Variants in LRP1B observed in about 807,000 individuals in gnomAD.
LRP1B encodes low-density lipoprotein receptor-related protein 1B.
A neutral mutation model predicts 556.6 loss-of-function variants in LRP1B; 217 were observed. The observed-to-expected ratio is 0.39, with a 90% CI of 0.35 to 0.44. The LOEUF (loss-of-function observed/expected upper bound fraction) is 0.44. Ranked by LOEUF, LRP1B falls within the 20% of genes least tolerant of loss-of-function variation. The pLI is 1.00. For missense variants in LRP1B, 5,053 were observed against 5,620.8 expected, an observed-to-expected ratio of 0.90 and a Z score of 3.23; for synonymous variants, 2,047 against 1,865.8, an observed-to-expected ratio of 1.10 and a Z score of -2.50.
chr2:142,117,967 G>T lies in LRP1B; in HGVS notation c.82+12681C>A, dbSNP rs1335313228. Among the ~76,000 whole-genome samples the T allele has an allele frequency of 2.0e-5, 3 of 152,118 alleles. No individual in the cohort carries two copies. The East Asian group carries it at 5.8e-4, about 29-fold the overall frequency. On this transcript the variant is annotated intron_variant, in intron 1 of 90. Transcript: ENST00000389484. ...ATGTCTGAGTGCCATTGCTTGACAT[G>T]ATGAGCATAGAAATTTAAGCAGCCT...
intron 1 of LRP1B, among the ~76,000 whole-genome samples, chr2:142,125,286 C>A (rs866551196): frequency 3.3e-5 from 5 of 151,772 alleles, no homozygotes; most frequent in Admixed American, 3.3e-4. Context: ...TGCTGAATGG[C>A]AGAATCTCCT....
At chr2:140,731,874 A>G (rs2105500575) in intron 35 of LRP1B, among the ~76,000 whole-genome samples, 1 of 152,040 alleles carries the variant, frequency 6.6e-6, no homozygotes, top group Admixed American at 6.5e-5. Context: ...CTATCATTAT[A>G]GTATCATTTT....
At chr2:140,707,142 G>A (rs944997129) in intron 37 of LRP1B, among the ~76,000 whole-genome samples, 1 of 152,068 alleles carries the variant, frequency 6.6e-6, no homozygotes, top group African/African-American at 2.4e-5. Flanking sequence ...GCTCGAATTT[G>A]AGTTGCAATT....
intron 1 of LRP1B, among the ~76,000 whole-genome samples, chr2:142,051,146 C>T (rs1262705097): frequency 6.6e-6 from 1 of 151,906 alleles, no homozygotes; most frequent in Non-Finnish European, 1.5e-5. Context: ...GAGTGTGAGG[C>T]AGTAACTTCC....
At chr2:141,068,845 T>C (rs1019288940) in intron 7 of LRP1B, among the ~76,000 whole-genome samples, 2 of 152,062 alleles carry the variant, frequency 1.3e-5, no homozygotes, top group Non-Finnish European at 2.9e-5. Flanking sequence ...TTAGGGAATA[T>C]TTCATATTAA....
At chr2:140,526,038 A>C (rs369942522) in intron 48 of LRP1B, 45 bp from the exon 49 acceptor site, 3 of 1,587,552 alleles carry the variant, frequency 1.9e-6, no homozygotes, top group Non-Finnish European at 2.6e-6. Flanking sequence ...TCATTTTCAA[A>C]GATTATGAGC....
At chr2:141,128,515 A>G (rs141568675) in intron 7 of LRP1B, among the ~76,000 whole-genome samples, 1 of 152,302 alleles carries the variant, frequency 6.6e-6, no homozygotes, top group Non-Finnish European at 1.5e-5. Context: ...GTTCTCCCTT[A>G]CTGTTCTTCC....
chr2:141,212,024 C>G (rs1434148140), intron 6 of LRP1B, among the ~76,000 whole-genome samples: 3 of 151,930 alleles, frequency 2.0e-5, no homozygotes, highest in African/African-American at 4.8e-5. Context: ...AGATAAGAAG[C>G]TTTTAAGTAT....
intron 43 of LRP1B, among the ~76,000 whole-genome samples, chr2:140,557,981 T>C (rs1365712622): frequency 6.6e-6 from 1 of 152,194 alleles, no homozygotes; most frequent in Admixed American, 6.6e-5. Flanking sequence ...TATCACCTGA[T>C]GCATATTAGG....
At chr2:140,516,032 G>C (rs1689882332) in intron 50 of LRP1B, among the ~76,000 whole-genome samples, 1 of 151,954 alleles carries the variant, frequency 6.6e-6, no homozygotes, top group Non-Finnish European at 1.5e-5. Context: ...ACGTAAAAAT[G>C]CTTTCTTAGT....
chr2:141,738,383 G>C (rs1693572006), intron 2 of LRP1B, among the ~76,000 whole-genome samples: 1 of 152,090 alleles, frequency 6.6e-6, no homozygotes, highest in South Asian at 2.1e-4. Flanking sequence ...ACACAATGCA[G>C]TGCTCCATGT....
chr2:140,758,199 C>T (rs1004215320), intron 35 of LRP1B, among the ~76,000 whole-genome samples: 4 of 152,062 alleles, frequency 2.6e-5, no homozygotes, highest in African/African-American at 9.6e-5. Flanking sequence ...AAATTTTATG[C>T]TAATCCACAT....
At chr2:141,573,828 A>G (rs2105267359) in intron 2 of LRP1B, among the ~76,000 whole-genome samples, 1 of 152,264 alleles carries the variant, frequency 6.6e-6, no homozygotes. Flanking sequence ...CCTCTATGCA[A>G]AAAAATTAGA....
At chr2:141,329,669 T>C (rs1687570231) in intron 3 of LRP1B, among the ~76,000 whole-genome samples, 1 of 90,794 alleles carries the variant, frequency 1.1e-5, no homozygotes, top group Non-Finnish European at 2.4e-5. Flanking sequence ...AAAAAAACTA[T>C]CTCTCTCTCT....
At chr2:141,894,395 T>C (rs768151264) in intron 1 of LRP1B, among the ~76,000 whole-genome samples, 4 of 149,386 alleles carry the variant, frequency 2.7e-5, no homozygotes, top group Non-Finnish European at 5.9e-5. Context: ...CATTCCTTCC[T>C]GTGACAGAGT....
At chr2:140,296,289 C>T (rs1304014762) in intron 84 of LRP1B, among the ~76,000 whole-genome samples, 3 of 152,138 alleles carry the variant, frequency 2.0e-5, no homozygotes, top group African/African-American at 7.2e-5. Flanking sequence ...ATTTAGACTT[C>T]TGTTCAATCC....
chr2:140,580,172 C>A (rs1043476616), intron 43 of LRP1B, among the ~76,000 whole-genome samples: 31 of 151,952 alleles, frequency 2.0e-4, no homozygotes, highest in Non-Finnish European at 4.1e-4. Flanking sequence ...TGTGTTTCTG[C>A]AATATTAATA....
chr2:140,501,919 G>A, intron 54 of LRP1B, 45 bp from the exon 55 acceptor site: 1 of 1,366,116 alleles, frequency 7.3e-7, no homozygotes, highest in Non-Finnish European at 1.0e-6. Flanking sequence ...GCATGCCATT[G>A]TTTTATACTA....
chr2:140,784,168 CTT>C (rs1165285883), intron 32 of LRP1B, among the ~76,000 whole-genome samples: 1 of 152,074 alleles, frequency 6.6e-6, no homozygotes, highest in African/African-American at 2.4e-5. Flanking sequence ...GAACATAAGA[CTT>C]TTTCAAATCT....
Sources: gnomAD v4.1 joint callset for allele counts (sites outside exome capture counted in the v4.1 genomes callset) on GRCh38, gnomAD v4.1.1 for gene constraint, MANE v1.5 for transcripts, NCBI Gene and HGNC (gene_info 2026-07-23, HGNC 2026-07-21) for gene names.